MAP3K1: variants seen among roughly 807,000 people sequenced by gnomAD.
MAP3K1 encodes the protein MAP/ERK kinase kinase 1.
Under a neutral mutation model 144.2 loss-of-function variants are expected in MAP3K1, and 36 were observed. The observed-to-expected ratio is 0.25, with a 90% confidence interval of 0.19 to 0.33. MAP3K1 has a LOEUF of 0.33. MAP3K1 is among the 10% of genes least tolerant of loss of function. The pLI is 1.00. For missense variants in MAP3K1, 1,650 were observed against 1,881.9 expected (o/e 0.88, Z 2.28); for synonymous variants, 718 against 688.7 (o/e 1.04, Z -0.67).
At chr5:56,816,959 C>A (rs1458548656) in intron 1 of MAP3K1, 2 of 422,108 alleles carry the variant, frequency 4.7e-6, no homozygotes, top group South Asian at 9.9e-5. Context: ...GACTGCTCCC[C>A]GCAGCCCCTC....
chr5:56,817,270 G>T (rs1746006997), intron 1 of MAP3K1, among the ~76,000 whole-genome samples: 1 of 152,182 alleles, frequency 6.6e-6, no homozygotes. Flanking sequence ...GTCTTGATGG[G>T]TATTTTGAGT....
At chr5:56,866,149 G>A (rs975112438) in intron 6 of MAP3K1, among the ~76,000 whole-genome samples, 172 bp downstream of exon 6, 1 of 152,120 alleles carries the variant, frequency 6.6e-6, no homozygotes, top group African/African-American at 2.4e-5. Flanking sequence ...ATGGTGGCTC[G>A]TGCCTGTAAT....
chr5:56,858,531 T>C (rs1747407596), intron 2 of MAP3K1, among the ~76,000 whole-genome samples: 1 of 152,234 alleles, frequency 6.6e-6, no homozygotes, highest in African/African-American at 2.4e-5. Flanking sequence ...CTTAGGAAGT[T>C]TACTGTTTAC....
chr5:56,817,507 A>G (rs189060533), intron 1 of MAP3K1, among the ~76,000 whole-genome samples: 1 of 152,354 alleles, frequency 6.6e-6, no homozygotes, highest in African/African-American at 2.4e-5. Context: ...GAACTAAAAA[A>G]TATGCTTCGC....
In MAP3K1 at chr5:56,825,112, A is replaced by G. The variant is rs1029725918; in HGVS notation, c.482+9057A>G. On this transcript the variant is annotated intron_variant, in intron 1 of 19. Transcript: ENST00000399503. ...AACCTCCGCCTCCCAGGTTCAGGCAATTCTCCTGCCTCAGCCTCTTGAGTA... is the reference window on the plus strand; with the variant it reads ...AACCTCCGCCTCCCAGGTTCAGGCAGTTCTCCTGCCTCAGCCTCTTGAGTA... Among the ~76,000 whole-genome samples the G allele has an allele frequency of 2.0e-5, 3 of 152,180 alleles. No homozygotes were observed. The South Asian group carries it at 6.2e-4, about 32-fold the overall frequency.
intron 9 of MAP3K1, among the ~76,000 whole-genome samples, chr5:56,874,202 T>C (rs1172263778): frequency 6.6e-6 from 1 of 152,210 alleles, no homozygotes; most frequent in African/African-American, 2.4e-5. Flanking sequence ...ATAAGTATGT[T>C]ATGATCTGTT....
chr5:56,815,954 GGT>G lies in MAP3K1; in HGVS notation c.383_384del (p.Val128GlyfsTer35). On this transcript the variant is annotated frameshift_variant, in exon 1 of 20. Coordinates refer to ENST00000399503, the MANE Select transcript of MAP3K1 (RefSeq NM_005921.2). LOFTEE classifies it high-confidence loss of function. ...GCGGCGGCGCCCACCTTACCGAGTC[GGT>G]GGCGGCGCCGGACAGCGGCGCCTCG... ...SRGGAHLTES[V>X]AAPDSGASSP... The G allele has an allele frequency of 7.9e-7, 1 of 1,259,330 alleles. No individual in the cohort carries two copies. Among genetic ancestry groups the G allele is most frequent in the Non-Finnish European group, 1.0e-6 (1 of 1,003,686 alleles). 78.0% of individuals were successfully genotyped at this position (1,259,330 alleles called of 1,614,324 possible). A position where few individuals can be genotyped will look rare whatever the true frequency, so the allele number is the denominator to read the frequency against.
intron 1 of MAP3K1, 57 bp from the exon 2 acceptor site, chr5:56,856,543 G>T: frequency 1.4e-6 from 2 of 1,458,030 alleles, no homozygotes; most frequent in Non-Finnish European, 1.9e-6. Flanking sequence ...GTTTGTTCTT[G>T]GAAATTATTT....
At chr5:56,887,312 C>G (rs377195897) in intron 17 of MAP3K1, 66 bp from the exon 18 acceptor site, 7 of 1,495,876 alleles carry the variant, frequency 4.7e-6, no homozygotes, top group Non-Finnish European at 6.5e-6. Context: ...TAGTATTGTA[C>G]TGGGCTTTTA....
intron 1 of MAP3K1, among the ~76,000 whole-genome samples, chr5:56,837,635 A>G (rs945646650): frequency 6.6e-6 from 1 of 152,260 alleles, no homozygotes; most frequent in African/African-American, 2.4e-5. Context: ...GATGAGTAAG[A>G]CAAAGGCTTT....
intron 1 of MAP3K1, among the ~76,000 whole-genome samples, chr5:56,849,666 A>G (rs1232297846): frequency 2.0e-5 from 3 of 152,202 alleles, no homozygotes; most frequent in Non-Finnish European, 2.9e-5. Context: ...GCTTAGAAGG[A>G]ATAGGCCAAC....
chr5:56,853,275 A>G (rs1307683574), intron 1 of MAP3K1, among the ~76,000 whole-genome samples: 1 of 152,222 alleles, frequency 6.6e-6, no homozygotes, highest in Non-Finnish European at 1.5e-5. Context: ...TGTAATTATT[A>G]CAAAGAGACT....
intron 1 of MAP3K1, among the ~76,000 whole-genome samples, chr5:56,849,341 CCT>C (rs1263733767): frequency 1.4e-5 from 2 of 139,488 alleles, no homozygotes; most frequent in Non-Finnish European, 3.2e-5. Flanking sequence ...AGAGCCAAAC[CCT>C]CTCTGTCTTT....
At chr5:56,890,314 C>T (rs1579788798) in intron 19 of MAP3K1, among the ~76,000 whole-genome samples, 1 of 152,128 alleles carries the variant, frequency 6.6e-6, no homozygotes, top group Non-Finnish European at 1.5e-5. Context: ...CAAATTGGCA[C>T]AGTTCATATT....
chr5:56,836,242 A>G (rs557909775), intron 1 of MAP3K1, among the ~76,000 whole-genome samples: 2 of 152,004 alleles, frequency 1.3e-5, no homozygotes, highest in South Asian at 2.1e-4. Flanking sequence ...GTGTTTGTCT[A>G]CCCTCTTCCT....
chr5:56,834,327 T>A (rs539561178), intron 1 of MAP3K1, among the ~76,000 whole-genome samples: 2 of 152,352 alleles, frequency 1.3e-5, no homozygotes, highest in African/African-American at 2.4e-5. Flanking sequence ...AATTCTTGTG[T>A]TCTCTAGCTA....
rs1748659193 is a variant in MAP3K1 at position 56,894,948 on chromosome 5, A to C, written c.*1268A>C. ...CTGGAGTTAAATTCAGATGCATGGAATCCTGAAGGAAAATGGTAGCTTTTT... is the reference window on the plus strand; with the variant it reads ...CTGGAGTTAAATTCAGATGCATGGACTCCTGAAGGAAAATGGTAGCTTTTT... On this transcript the variant is annotated 3_prime_UTR_variant, in exon 20 of 20. Transcript: ENST00000399503. 4.3e-6 allele frequency: 1 copy of C among 231,908 alleles called. No individual in the cohort carries two copies. The highest frequency in any genetic ancestry group is 1.8e-4 in the South Asian group (1 of 5,522). 14.4% of individuals were successfully genotyped at this position (231,908 alleles called of 1,614,324 possible).
intron 19 of MAP3K1, among the ~76,000 whole-genome samples, chr5:56,888,792 T>C (rs1748460259): frequency 6.6e-6 from 1 of 152,168 alleles, no homozygotes; most frequent in African/African-American, 2.4e-5. Context: ...GCAGGTTAGG[T>C]GTATTAACTG....
chr5:56,829,725 G>A (rs1483725005), intron 1 of MAP3K1, among the ~76,000 whole-genome samples: 1 of 152,164 alleles, frequency 6.6e-6, no homozygotes, highest in Non-Finnish European at 1.5e-5. Flanking sequence ...CTGTGATCAG[G>A]AATAGAGCAA....
Sources: gnomAD v4.1 joint callset for allele counts (sites outside exome capture counted in the v4.1 genomes callset) on GRCh38, gnomAD v4.1.1 for gene constraint, MANE v1.5 for transcripts, NCBI Gene and HGNC (gene_info 2026-07-23, HGNC 2026-07-21) for gene names.